The following USF3 variants were observed in gnomAD, a reference collection of about 807,000 sequenced individuals.
USF3 encodes upstream transcription factor family member 3, also known as basic helix-loop-helix domain-containing protein USF3.
Under a neutral mutation model 157.5 loss-of-function variants are expected in USF3, and 29 were observed. The ratio of observed to expected loss-of-function variants is 0.18; its 90% CI spans 0.14 to 0.25. The LOEUF (loss-of-function observed/expected upper bound fraction) is 0.25, where lower values mean the gene tolerates loss of function less well. Among genes scored for constraint, USF3 ranks in the 10% least tolerant of loss-of-function variants. USF3 has a pLI of 1.00. For synonymous variants in USF3, 893 were observed against 941.4 expected (o/e 0.95, Z 0.94); for missense variants, 2,381 against 2,667.6 (o/e 0.89, Z 2.37).
chr3:113,682,048 G>A (rs907886415), intron 1 of USF3, among the ~76,000 whole-genome samples: 2 of 152,190 alleles, frequency 1.3e-5, no homozygotes, highest in Admixed American at 6.5e-5. Flanking sequence ...CTTTGTCTGG[G>A]CACAGTGGCT....
intron 1 of USF3, among the ~76,000 whole-genome samples, chr3:113,692,576 T>C (rs753379449): frequency 3.3e-5 from 5 of 152,224 alleles, no homozygotes; most frequent in African/African-American, 4.8e-5. Flanking sequence ...GAATACTCCA[T>C]TGAGTTCCTT....
At chr3:113,668,126 C>A (rs957258437) in intron 5 of USF3, among the ~76,000 whole-genome samples, 6 of 151,796 alleles carry the variant, frequency 4.0e-5, no homozygotes, top group African/African-American at 9.7e-5. Flanking sequence ...TAAGAACCAC[C>A]CCCTACCCTG....
chr3:113,663,381 A>G (rs1947516392), intron 6 of USF3, among the ~76,000 whole-genome samples: 1 of 152,226 alleles, frequency 6.6e-6, no homozygotes, highest in Non-Finnish European at 1.5e-5. Flanking sequence ...TCAAATGGTT[A>G]CTAAACATGG....
Position 113,658,660 on chromosome 3 carries a change from G to A in USF3, c.3022C>T (p.Leu1008=). The change falls in exon 7 of 7, where the codon CTA becomes TTA. Residue 1008 remains leucine (L), a synonymous_variant. Coordinates refer to ENST00000316407, the MANE Select transcript of USF3 (RefSeq NM_001009899.4). ...TTTTTTTTTTTAGCAAGATCAGATA[G>A]CAATGTAGTTAAACCTTGCCCCTTT... ...LLKGQGLTTL[L]SDLAKKKNPQ... is the part of the protein sequence containing the mutation. 1.9e-6 allele frequency: 3 copies of A among 1,613,730 alleles called. No homozygotes were observed. Among genetic ancestry groups the A allele is most frequent in the Non-Finnish European group, 2.5e-6 (3 of 1,179,916 alleles).
At chr3:113,677,497 T>A (rs1198587351) in intron 1 of USF3, 100 bp from the exon 2 acceptor site, 2 of 152,238 alleles carry the variant, frequency 1.3e-5, no homozygotes, top group African/African-American at 4.8e-5. Flanking sequence ...AGCAGATTTT[T>A]AGTGCCACGA....
chr3:113,654,831 G>A lies in USF3; in HGVS notation c.*113C>T. 1.7e-6 allele frequency: 2 copies of A among 1,199,890 alleles called. No individual in the cohort carries two copies. The highest frequency in any genetic ancestry group is 2.3e-6 in the Non-Finnish European group (2 of 874,976). 74.3% of individuals were successfully genotyped at this position (1,199,890 alleles called of 1,614,324 possible). A position where few individuals can be genotyped will look rare whatever the true frequency, so the allele number is the denominator to read the frequency against. On this transcript the variant is annotated 3_prime_UTR_variant, in exon 7 of 7. Coordinates refer to ENST00000316407, the MANE Select transcript of USF3 (RefSeq NM_001009899.4). ...TACATTCAGAAGATAACTGAAAACT[G>A]ATTATACAGACACACACACACAATC...
intron 1 of USF3, among the ~76,000 whole-genome samples, chr3:113,684,619 T>C (rs115907287): frequency 0.016 from 2,361 of 152,310 alleles, 50 homozygotes; most frequent in African/African-American, 0.052. Flanking sequence ...CCTTGATCCA[T>C]TCTACTGTTG....
At chr3:113,683,064 T>C (rs957175058) in intron 1 of USF3, among the ~76,000 whole-genome samples, 1 of 152,048 alleles carries the variant, frequency 6.6e-6, no homozygotes, top group African/African-American at 2.4e-5. Context: ...CATGTCAGTG[T>C]TTTTCTCTGG....
At position 113,650,552 on chromosome 3, in the gene USF3, A is replaced by T. The variant is rs1331692685; in HGVS notation, c.*4392T>A. 6.6e-6 allele frequency: 1 copy of T among 152,216 alleles called. No individual in the cohort carries two copies. Among genetic ancestry groups the T allele is most frequent in the Non-Finnish European group, 1.5e-5 (1 of 68,038 alleles). 9.4% of individuals were successfully genotyped at this position (152,216 alleles called of 1,614,324 possible). A position where few individuals can be genotyped will look rare whatever the true frequency, so the allele number is the denominator to read the frequency against. Reference sequence around the variant, plus strand: ...TACCTATCAAAGGGAAGATAAAGCTAAGAAGATGCATATTCATAAGATTTT... The same window carrying T: ...TACCTATCAAAGGGAAGATAAAGCTTAGAAGATGCATATTCATAAGATTTT... On this transcript the variant is annotated 3_prime_UTR_variant, in exon 7 of 7. Transcript: ENST00000316407.
intron 6 of USF3, among the ~76,000 whole-genome samples, chr3:113,662,006 C>T (rs1231222142): frequency 6.6e-6 from 1 of 152,118 alleles, no homozygotes; most frequent in Non-Finnish European, 1.5e-5. Context: ...ACCAACACTC[C>T]CAGCTAATTT....
chr3:113,664,236 TA>T lies in USF3; in HGVS notation c.256+76del, dbSNP rs1947529368. The T allele has an allele frequency of 1.4e-5, 13 of 900,796 alleles. No homozygotes were observed. In the South Asian group the frequency reaches 1.8e-4, roughly 13 times the overall value. The allele number at this position is 900,796 out of a possible 1,614,324, so 55.8% of individuals were successfully genotyped here. On this transcript the variant is annotated intron_variant, in intron 6 of 6. Transcript: ENST00000316407. ...TGGGGCCAAAAAGCTTTCTATGTCA[TA>T]ATATAAATTTCACTGTGACACAAAC...
chr3:113,675,058 T>G (rs541692828), intron 2 of USF3, among the ~76,000 whole-genome samples, 162 bp from the exon 3 acceptor site: 4 of 152,098 alleles, frequency 2.6e-5, no homozygotes, highest in Non-Finnish European at 5.9e-5. Context: ...TATAAGAAAA[T>G]AGCATAAAAG....
At chr3:113,679,411 C>CTT (rs34641216) in intron 1 of USF3, among the ~76,000 whole-genome samples, 34 of 118,012 alleles carry the variant, frequency 2.9e-4, no homozygotes, top group Middle Eastern at 4.2e-3. Context: ...AGAGAAAGTT[C>CTT]TTTTTTTTTT....
At chr3:113,668,172 T>TC (rs1947599357) in intron 5 of USF3, among the ~76,000 whole-genome samples, 1 of 152,078 alleles carries the variant, frequency 6.6e-6, no homozygotes, top group South Asian at 2.1e-4. Context: ...TGGATGACTT[T>TC]CCCTTCCTGC....
At chr3:113,683,500 C>T (rs149640986) in intron 1 of USF3, among the ~76,000 whole-genome samples, 21,052 of 120,506 alleles carry the variant, frequency 0.17, 1,940 homozygotes, top group Middle Eastern at 0.21. Context: ...GATGGAGTCT[C>T]GCTCTGTCGC....
At chr3:113,687,851 C>G (rs186154325) in intron 1 of USF3, among the ~76,000 whole-genome samples, 1 of 152,362 alleles carries the variant, frequency 6.6e-6, no homozygotes, top group Admixed American at 6.5e-5. Flanking sequence ...TAGCACAATA[C>G]ATGCACAATG....
rs759564419 is a variant in USF3, at chr3:113,656,510, A to G, written c.5172T>C (p.Thr1724=). ...IHNMQGRVDH[T]VASDIRLSDC... ...CAGAAAGGCGGATATCTGAGGCCAC[A>G]GTATGGTCCACACGACCCTGCATAT... is the stretch of plus-strand genomic sequence containing the variant. Residue 1724 remains threonine, a synonymous_variant, in exon 7 of 7, where the codon ACT becomes ACC. Coordinates refer to ENST00000316407, the MANE Select transcript of USF3 (RefSeq NM_001009899.4). 9 of 1,614,118 alleles carry G rather than the reference A, an allele frequency of 5.6e-6. No homozygotes were observed. The highest frequency in any genetic ancestry group is 1.3e-5 in the African/African-American group (1 of 74,942).
At chr3:113,676,685 T>G (rs1707290799) in intron 2 of USF3, among the ~76,000 whole-genome samples, 1 of 152,166 alleles carries the variant, frequency 6.6e-6, no homozygotes, top group African/African-American at 2.4e-5. Flanking sequence ...CCTGCTGTGG[T>G]ACACTGGAGG....
Position 113,660,859 on chromosome 3 carries a change from G to A in USF3, c.823C>T (p.Leu275=), listed in dbSNP as rs78074176. Residue 275 remains leucine (L), a synonymous_variant, in exon 7 of 7, where the codon CTA becomes TTA. Coordinates refer to ENST00000316407, the MANE Select transcript of USF3 (RefSeq NM_001009899.4). ...PHQHHSLHTC[L]NDQNSSENKN... ...TTTTCAGAAGAATTTTGATCATTTA[G>A]GCATGTGTGCAAAGAATGATGTTGG... is the stretch of plus-strand genomic sequence containing the variant. 1,171 of 1,614,104 alleles carry A rather than the reference G, an allele frequency of 7.3e-4. 8 individuals are homozygous for A. The African/African-American group carries it at 0.013, about 19-fold the overall frequency.
Sources: allele counts gnomAD v4.1 joint callset (sites outside exome capture counted in the v4.1 genomes callset), GRCh38; gene constraint gnomAD v4.1.1; transcripts MANE v1.5; gene names NCBI Gene and HGNC (gene_info 2026-07-23, HGNC 2026-07-21).